FYB2: variants seen among roughly 807,000 people sequenced by gnomAD.
FYB2 encodes the protein FYN binding protein 2.
A neutral mutation model predicts 94.1 loss-of-function variants in FYB2; 103 were observed. The observed-to-expected ratio is 1.09, with a 90% confidence interval of 0.93 to 1.29. The LOEUF is 1.29. Ranked by LOEUF, FYB2 falls within the 50% of genes most tolerant of loss-of-function variation. The probability of loss-of-function intolerance (pLI) is 0.00; values close to 1 mark genes in which losing one functional copy is unlikely to be tolerated. For synonymous variants in FYB2, 293 were observed against 287.9 expected, an observed-to-expected ratio of 1.02 and a Z score of -0.18; for missense variants, 896 against 841.5, an observed-to-expected ratio of 1.06 and a Z score of -0.80.
At chr1:56,821,838 T>C (rs141121857), upstream of FYB2, among the ~76,000 whole-genome samples, 1,152 of 152,294 alleles carry the variant, frequency 7.6e-3, 6 homozygotes, top group Middle Eastern at 0.02. Flanking sequence ...CATGACTACA[T>C]GGGAGGGTGA....
chr1:56,782,049 G>T (rs182860565), intron 4 of FYB2, among the ~76,000 whole-genome samples: 1 of 151,996 alleles, frequency 6.6e-6, no homozygotes, highest in Non-Finnish European at 1.5e-5. Flanking sequence ...TAATACATTC[G>T]TACGATGTGT....
intron 13 of FYB2, 86 bp downstream of exon 13, chr1:56,740,611 T>C: frequency 1.3e-6 from 1 of 771,716 alleles, no homozygotes; most frequent in South Asian, 2.1e-5. Context: ...TCCCCTTCAC[T>C]GTTTCTGAGA....
intron 1 of FYB2, among the ~76,000 whole-genome samples, chr1:56,800,907 G>A (rs1646504331): frequency 6.6e-6 from 1 of 152,116 alleles, no homozygotes; most frequent in Non-Finnish European, 1.5e-5. Flanking sequence ...CCCCCATCCT[G>A]AGTGGTAGGC....
intron 5 of FYB2, among the ~76,000 whole-genome samples, chr1:56,762,553 T>A (rs975817992): frequency 6.6e-6 from 1 of 152,236 alleles, no homozygotes; most frequent in Non-Finnish European, 1.5e-5. Context: ...AGAAATATAA[T>A]TGATTTTTTT....
At chr1:56,747,660 A>ATGGACATT (rs1475024241) in intron 9 of FYB2, among the ~76,000 whole-genome samples, 1 of 151,234 alleles carries the variant, frequency 6.6e-6, no homozygotes, top group Non-Finnish European at 1.5e-5. Flanking sequence ...TCTATCATTG[A>ATGGACATT]TGGATTGTTT....
chr1:56,777,834 C>T (rs1645917502), intron 4 of FYB2, among the ~76,000 whole-genome samples: 1 of 152,136 alleles, frequency 6.6e-6, no homozygotes, highest in African/African-American at 2.4e-5. Flanking sequence ...TTCTGATTGT[C>T]ATTATCCATG....
At chr1:56,776,440 T>C (rs1178538739) in intron 4 of FYB2, among the ~76,000 whole-genome samples, 9 of 152,174 alleles carry the variant, frequency 5.9e-5, no homozygotes, top group Admixed American at 5.9e-4. Context: ...AAGCACTTTG[T>C]CTTCTAAGTG....
intron 5 of FYB2, among the ~76,000 whole-genome samples, chr1:56,765,405 G>A (rs1256360214): frequency 6.6e-6 from 1 of 152,178 alleles, no homozygotes; most frequent in Non-Finnish European, 1.5e-5. Context: ...ACCTGGCAGG[G>A]GTGGAAATCC....
chr1:56,778,959 C>T (rs1342383), intron 4 of FYB2, among the ~76,000 whole-genome samples: 34,384 of 151,906 alleles, frequency 0.23, 4,908 homozygotes, highest in African/African-American at 0.4. Context: ...TTCTGCATGA[C>T]GAGAAGGAGC....
At chr1:56,749,943 T>G (rs1233546059) in intron 9 of FYB2, among the ~76,000 whole-genome samples, 1 of 152,060 alleles carries the variant, frequency 6.6e-6, no homozygotes, top group Non-Finnish European at 1.5e-5. Flanking sequence ...TTCTTCACTT[T>G]GTTTTAGTCA....
At chr1:56,762,946 T>C (rs1199980214) in intron 5 of FYB2, among the ~76,000 whole-genome samples, 2 of 152,212 alleles carry the variant, frequency 1.3e-5, no homozygotes, top group Non-Finnish European at 2.9e-5. Context: ...ATGACAGTTT[T>C]TTAAATCATA....
intron 3 of FYB2, 200 bp downstream of exon 3, chr1:56,788,772 GC>G: frequency 1.6e-6 from 1 of 635,498 alleles, no homozygotes; most frequent in East Asian, 2.9e-5. Context: ...GGGGAAGTGG[GC>G]TGGTCTAGGA....
intron 4 of FYB2, among the ~76,000 whole-genome samples, chr1:56,781,290 C>A (rs1028486525): frequency 6.6e-6 from 1 of 152,152 alleles, no homozygotes; most frequent in Non-Finnish European, 1.5e-5. Flanking sequence ...GTGTTAATAT[C>A]AACAATGATG....
intron 1 of FYB2, among the ~76,000 whole-genome samples, chr1:56,808,460 A>G (rs887282568): frequency 6.6e-6 from 1 of 152,112 alleles, no homozygotes; most frequent in South Asian, 2.1e-4. Flanking sequence ...CACTCAGTAA[A>G]CCTCAGGATC....
Position 56,755,893 on chromosome 1 carries a change from C to T in FYB2, c.1130+3G>A, listed in dbSNP as rs762869938. The stretch of plus-strand genomic sequence containing the variant: ...TGCTTTTCTTTTGAAAGATAAAACT[C>T]ACCTAGGTTCTGGATAGGGAAAATT... On this transcript the variant is annotated splice_donor_region_variant and intron_variant, in intron 7 of 19. Coordinates refer to ENST00000343433, the MANE Select transcript of FYB2 (RefSeq NM_001004303.5). The T allele has an allele frequency of 2.5e-6, 4 of 1,606,510 alleles. No individual in the cohort carries two copies. The highest frequency in any genetic ancestry group is 2.2e-5 in the South Asian group (2 of 90,632).
chr1:56,768,336 G>A (rs1434936927), intron 4 of FYB2, among the ~76,000 whole-genome samples: 2 of 152,170 alleles, frequency 1.3e-5, no homozygotes, highest in African/African-American at 4.8e-5. Flanking sequence ...TGAACCATAA[G>A]CCTCATCTGA....
chr1:56,786,511 T>G (rs1646135649), intron 4 of FYB2, among the ~76,000 whole-genome samples: 1 of 152,180 alleles, frequency 6.6e-6, no homozygotes, highest in African/African-American at 2.4e-5. Context: ...CTAACCTTTT[T>G]GAGAACAGGA....
intron 3 of FYB2, among the ~76,000 whole-genome samples, chr1:56,788,381 T>A (rs889700628): frequency 3.3e-5 from 5 of 152,198 alleles, no homozygotes; most frequent in East Asian, 1.9e-4. Flanking sequence ...GCATTTAAAA[T>A]GTCAACAAGA....
At chr1:56,749,790 G>A (rs1399239909) in intron 9 of FYB2, among the ~76,000 whole-genome samples, 1 of 151,866 alleles carries the variant, frequency 6.6e-6, no homozygotes, top group Admixed American at 6.6e-5. Flanking sequence ...AACTAAATAG[G>A]GATTTGGATC....
Sources: gnomAD v4.1 joint callset for allele counts (sites outside exome capture counted in the v4.1 genomes callset) on GRCh38, gnomAD v4.1.1 for gene constraint, MANE v1.5 for transcripts, NCBI Gene and HGNC (gene_info 2026-07-23, HGNC 2026-07-21) for gene names.